GSE1: variants seen among roughly 807,000 people sequenced by gnomAD.
GSE1 encodes Gse1 coiled-coil protein, also known as genetic suppressor element 1.
Under a neutral mutation model 112.6 loss-of-function variants are expected in GSE1, and 32 were observed. That is an observed-to-expected ratio of 0.28 (90% CI 0.21 to 0.38). The LOEUF (loss-of-function observed/expected upper bound fraction) is 0.38. Among genes scored for constraint, GSE1 ranks in the 10% least tolerant of loss-of-function variants. The pLI is 1.00. For synonymous variants in GSE1, 1,115 were observed against 735.6 expected, an observed-to-expected ratio of 1.52 and a Z score of -8.35; for missense variants, 2,348 against 1,699.2, an observed-to-expected ratio of 1.38 and a Z score of -6.71.
chr16:85,262,009 G>A (rs1308569317), intron 1 of GSE1, among the ~76,000 whole-genome samples: 1 of 152,156 alleles, frequency 6.6e-6, no homozygotes. Flanking sequence ...GACTGAGGCC[G>A]AGCAGGTGAG....
At position 85,605,569 on chromosome 16, in the gene GSE1, G is replaced by T. The variant is rs547995835; in HGVS notation, c.38-42983G>T. Among the ~76,000 whole-genome samples, 9 of 152,174 alleles carry T rather than the reference G, an allele frequency of 5.9e-5. No homozygotes were observed. In the South Asian group the frequency reaches 1.9e-3, roughly 32 times the overall value. On this transcript the variant is annotated intron_variant, in intron 1 of 2. Transcript: ENST00000635906. ...GTGGGGGCAGGGGGACACGTTCCTT[G>T]CAGGGCAGCAGCTAAGGAAACGGGT...
At chr16:85,516,002 G>C (rs1462393412) in intron 2 of GSE1, among the ~76,000 whole-genome samples, 1 of 152,186 alleles carries the variant, frequency 6.6e-6, no homozygotes, top group Non-Finnish European at 1.5e-5. Context: ...GATGGCAGGA[G>C]GAGGAATAAA....
At chr16:85,253,814 G>C (rs1906775652) in intron 1 of GSE1, among the ~76,000 whole-genome samples, 1 of 151,628 alleles carries the variant, frequency 6.6e-6, no homozygotes, top group African/African-American at 2.4e-5. Context: ...GCTCTTGGCA[G>C]TGAGAACTGT....
chr16:85,670,509 C>G (rs543362385), intron 14 of GSE1: 2 of 152,312 alleles, frequency 1.3e-5, no homozygotes, highest in African/African-American at 4.8e-5. Flanking sequence ...AGCACTTTCC[C>G]TGTTTTTCAT....
intron 2 of GSE1, among the ~76,000 whole-genome samples, chr16:85,458,529 C>T (rs2049893682): frequency 1.3e-5 from 2 of 152,300 alleles, no homozygotes; most frequent in East Asian, 3.9e-4. Context: ...GATGGAGAGG[C>T]TGGTTGAGCT....
chr16:85,488,840 C>T (rs2050921371), intron 2 of GSE1, among the ~76,000 whole-genome samples: 4 of 152,170 alleles, frequency 2.6e-5, no homozygotes, highest in Non-Finnish European at 5.9e-5. Context: ...TGGGTGATTT[C>T]CTGGACAGTG....
At chr16:85,619,403 C>T (rs765114684) in intron 1 of GSE1, among the ~76,000 whole-genome samples, 1 of 149,454 alleles carries the variant, frequency 6.7e-6, no homozygotes, top group Admixed American at 6.7e-5. Context: ...GAGCACAAGA[C>T]AGCTTGCGAG....
At chr16:85,569,963 C>G (rs2045915103) in intron 1 of GSE1, among the ~76,000 whole-genome samples, 1 of 152,166 alleles carries the variant, frequency 6.6e-6, no homozygotes, top group South Asian at 2.1e-4. Flanking sequence ...GTTTCAATCC[C>G]CGCCTCTGTC....
chr16:85,488,020 C>A (rs1435027809), intron 2 of GSE1, among the ~76,000 whole-genome samples: 1 of 152,158 alleles, frequency 6.6e-6, no homozygotes, highest in Admixed American at 6.5e-5. Flanking sequence ...GCCATGGAGG[C>A]TCCTAGCAGG....
chr16:85,622,632 A>G (rs1157923246), intron 1 of GSE1, among the ~76,000 whole-genome samples: 2 of 152,160 alleles, frequency 1.3e-5, no homozygotes, highest in African/African-American at 4.8e-5. Context: ...AACCATCTTG[A>G]GAGTGGACCT....
rs1271094838 is a variant in GSE1, at chr16:85,259,326, T to G, written c.2283+87519T>G. Among the ~76,000 whole-genome samples, 3 of 151,870 alleles carry G rather than the reference T, an allele frequency of 2.0e-5. No individual in the cohort carries two copies. The East Asian group carries it at 5.8e-4, about 29-fold the overall frequency. On this transcript the variant is annotated intron_variant, in intron 1 of 2. Transcript: ENST00000637419. ...CCCTGGCCCACCCTGTGCTCCACCCTGGCCCACCCTGTGCTCGCCCCTTCC... is the reference window on the plus strand; with the variant it reads ...CCCTGGCCCACCCTGTGCTCCACCCGGGCCCACCCTGTGCTCGCCCCTTCC...
At chr16:85,665,828 G>A (rs376772675) in intron 12 of GSE1, 148 bp from the exon 13 acceptor site, 44 of 685,852 alleles carry the variant, frequency 6.4e-5, no homozygotes, top group African/African-American at 2.7e-4. Context: ...AGCCATGTGC[G>A]CGGCGGTTAC....
At chr16:85,579,562 C>T (rs1171664327) in intron 1 of GSE1, among the ~76,000 whole-genome samples, 2 of 152,204 alleles carry the variant, frequency 1.3e-5, no homozygotes, top group South Asian at 4.1e-4. Flanking sequence ...TCCTGGAGAT[C>T]CAGGGCCAGC....
rs549316932 is a variant in GSE1 at position 85,614,940 on chromosome 16, G to A, written c.7+1542G>A. On this transcript the variant is annotated intron_variant, in intron 1 of 15. Coordinates refer to ENST00000253458, the MANE Select transcript of GSE1 (RefSeq NM_014615.5). ...CGCCTAAGCCGATTTCCAGGCGGCGGGGGACAAAGGGGCAGAGAGAAGGTC... is the reference window on the plus strand; with the variant it reads ...CGCCTAAGCCGATTTCCAGGCGGCGAGGGACAAAGGGGCAGAGAGAAGGTC... Among the ~76,000 whole-genome samples the A allele has an allele frequency of 2.6e-5, 4 of 152,328 alleles. No homozygotes were observed. The East Asian group carries it at 5.8e-4, about 22-fold the overall frequency.
chr16:85,224,292 C>A, intron 1 of GSE1, among the ~76,000 whole-genome samples: 1 of 44,328 alleles, frequency 2.3e-5, no homozygotes, highest in African/African-American at 1.1e-4. Context: ...CCTATCTCTA[C>A]TAAAAATACA....
chr16:85,319,086 C>T (rs1463710650), intron 1 of GSE1, among the ~76,000 whole-genome samples: 1 of 152,112 alleles, frequency 6.6e-6, no homozygotes, highest in Non-Finnish European at 1.5e-5. Context: ...ACTTGTGGGG[C>T]CCAGCATGTC....
At chr16:85,526,597 G>A (rs1173381085) in intron 2 of GSE1, among the ~76,000 whole-genome samples, 1 of 152,260 alleles carries the variant, frequency 6.6e-6, no homozygotes, top group Non-Finnish European at 1.5e-5. Context: ...GTTACAGGCA[G>A]TGTGGGATGT....
At chr16:85,651,258 T>C (rs1237738470) in intron 3 of GSE1, among the ~76,000 whole-genome samples, 2 of 151,766 alleles carry the variant, frequency 1.3e-5, no homozygotes, top group African/African-American at 4.8e-5. Flanking sequence ...GGGCCTTGCC[T>C]GGATGGGGGG....
intron 2 of GSE1, among the ~76,000 whole-genome samples, chr16:85,450,703 C>A (rs1399745841): frequency 6.6e-6 from 1 of 150,990 alleles, no homozygotes; most frequent in African/African-American, 2.4e-5. Flanking sequence ...CCCGCCTTGG[C>A]CTCCCAAAGT....
Sources: gnomAD v4.1 joint callset for allele counts (sites outside exome capture counted in the v4.1 genomes callset) on GRCh38, gnomAD v4.1.1 for gene constraint, MANE v1.5 for transcripts, NCBI Gene and HGNC (gene_info 2026-07-23, HGNC 2026-07-21) for gene names.